Variants in FGF13 observed in about 807,000 individuals in gnomAD.
FGF13 encodes the protein fibroblast growth factor homologous factor 2.
FGF13 carries 2 observed loss-of-function variants against 19.5 expected under a neutral mutation model. The observed-to-expected ratio is 0.10, with a 90% CI of 0.04 to 0.32. The LOEUF is 0.32. Among genes scored for constraint, FGF13 ranks in the 10% least tolerant of loss-of-function variants. The pLI is 1.00. For missense variants in FGF13, 113 were observed against 192.7 expected, an observed-to-expected ratio of 0.59 and a Z score of 2.45; for synonymous variants, 72 against 76.9, an observed-to-expected ratio of 0.94 and a Z score of 0.33.
intron 1 of FGF13, among the ~76,000 whole-genome samples, chrX:139,198,150 A>G (rs912573962): frequency 4.2e-4 from 47 of 111,299 alleles, no homozygotes; most frequent in African/African-American, 1.5e-3. Context: ...TTTCTCAAAA[A>G]TCATTGAGAT....
intron 3 of FGF13, among the ~76,000 whole-genome samples, chrX:138,655,992 T>C (rs1026678431): frequency 8.9e-6 from 1 of 112,112 alleles, no homozygotes; most frequent in African/African-American, 3.2e-5. Context: ...GAACACCTAC[T>C]ACATGCATGA....
At chrX:138,715,865 C>T (rs938407422), upstream of FGF13, 2 of 112,108 alleles carry the variant, frequency 1.8e-5, no homozygotes, top group African/African-American at 3.2e-5. Flanking sequence ...GAATGCTGAT[C>T]GTTCTCTGCC....
intron 1 of FGF13, among the ~76,000 whole-genome samples, chrX:139,027,077 T>C (rs991310948): frequency 5.3e-5 from 6 of 112,242 alleles, no homozygotes; most frequent in African/African-American, 1.9e-4. Flanking sequence ...AGTGTGGCTT[T>C]AGTAGTGCCC....
chrX:139,010,326 T>C (rs956056134), intron 1 of FGF13, among the ~76,000 whole-genome samples: 1 of 111,438 alleles, frequency 9.0e-6, no homozygotes, highest in Non-Finnish European at 1.9e-5. Context: ...TGCAGGACAT[T>C]CTACCCAACA....
chrX:138,654,744 AATACATACATAC>A (rs61363120), intron 3 of FGF13, among the ~76,000 whole-genome samples: 3 of 105,060 alleles, frequency 2.9e-5, no homozygotes, highest in South Asian at 4.3e-4. Flanking sequence ...CCGGCTCAAA[AATACATACATAC>A]ATACATACAT....
intron 1 of FGF13, among the ~76,000 whole-genome samples, chrX:138,961,047 C>G (rs1242531677): frequency 9.0e-6 from 1 of 111,220 alleles, no homozygotes; most frequent in Admixed American, 9.5e-5. Flanking sequence ...CAGCTCTGTT[C>G]CATTGCTGGT....
At chrX:138,714,514 G>A (rs2090082988), upstream of FGF13, among the ~76,000 whole-genome samples, 1 of 111,067 alleles carries the variant, frequency 9.0e-6, no homozygotes, top group South Asian at 3.8e-4. Flanking sequence ...GCATGGTGGC[G>A]CCTGCCTGTA....
intron 1 of FGF13, among the ~76,000 whole-genome samples, chrX:138,988,379 G>A (rs2092001854): frequency 8.9e-6 from 1 of 112,269 alleles, no homozygotes; most frequent in Admixed American, 9.5e-5. Context: ...TTTGTTGAAT[G>A]AACAAATGAA....
At chrX:138,823,050 C>T (rs895885975) in intron 3 of FGF13, among the ~76,000 whole-genome samples, 5 of 111,280 alleles carry the variant, frequency 4.5e-5, no homozygotes, top group Non-Finnish European at 7.5e-5. Context: ...GGGGGAAAGG[C>T]GGGGAAGACT....
intron 1 of FGF13, among the ~76,000 whole-genome samples, chrX:138,727,681 A>G (rs925262321): frequency 1.8e-5 from 2 of 111,573 alleles, no homozygotes; most frequent in Non-Finnish European, 3.8e-5. Flanking sequence ...CTAAGAAAAT[A>G]TACCTAGGAA....
At chrX:138,958,630 A>G (rs1470179178) in intron 1 of FGF13, among the ~76,000 whole-genome samples, 1 of 111,864 alleles carries the variant, frequency 8.9e-6, no homozygotes, top group Non-Finnish European at 1.9e-5. Context: ...GGTAGAATTC[A>G]GCTGTGAATC....
intron 1 of FGF13, among the ~76,000 whole-genome samples, chrX:138,725,460 G>C (rs1195048333): frequency 9.0e-6 from 1 of 111,286 alleles, no homozygotes; most frequent in Non-Finnish European, 1.9e-5. Flanking sequence ...AAACTCCCTG[G>C]ATCTAAGAGC....
intron 1 of FGF13, among the ~76,000 whole-genome samples, chrX:139,031,377 A>G (rs1369409996): frequency 9.0e-6 from 1 of 111,092 alleles, no homozygotes; most frequent in Non-Finnish European, 1.9e-5. Flanking sequence ...ATCTAATTCA[A>G]TTTTCCACAC....
At chrX:139,152,927 C>T (rs1354380563) in intron 1 of FGF13, among the ~76,000 whole-genome samples, 3 of 110,678 alleles carry the variant, frequency 2.7e-5, no homozygotes, top group African/African-American at 9.9e-5. Context: ...ACTCCTACCT[C>T]CCTTCCCCCA....
At position 138,828,502 on chromosome X, in the gene FGF13, G is replaced by A. The variant is rs868802566; in HGVS notation, c.217+29010C>T. On this transcript the variant is annotated intron_variant, in intron 3 of 6. Coordinates refer to the FGF13 transcript ENST00000436198. Reference sequence around the variant, plus strand: ...GGAGAATGGCGTGAACCCGGGAGGCGGAGCTTGCAGTGAGCCGAGATCGCG... The same window carrying A: ...GGAGAATGGCGTGAACCCGGGAGGCAGAGCTTGCAGTGAGCCGAGATCGCG... 2.0e-3 allele frequency among the ~76,000 whole-genome samples: 214 copies of A among 106,988 alleles called. 1 individual carries two copies. The highest frequency in any genetic ancestry group is 6.7e-3 in the African/African-American group (192 of 28,852). The allele number at this position is 106,988 out of a possible 115,157, so 92.9% of individuals were successfully genotyped here.
At chrX:139,012,275 C>A (rs1385210919) in intron 1 of FGF13, among the ~76,000 whole-genome samples, 2 of 111,291 alleles carry the variant, frequency 1.8e-5, no homozygotes, top group African/African-American at 6.5e-5. Flanking sequence ...CCACCAAAAG[C>A]AATCTACAAA....
In FGF13 at chrX:138,870,009, G is replaced by A. The variant is rs185238488; in HGVS notation, c.-112-5359C>T. ...TGGCAGCATTACTATTTAAGAAAAA[G>A]GCATTACGACTTCTTTGAAAGCCTC... On this transcript the variant is annotated intron_variant, in intron 1 of 2. Transcript: ENST00000421460. 8.1e-3 allele frequency among the ~76,000 whole-genome samples: 910 copies of A among 112,073 alleles called. 2 individuals carry two copies. The highest frequency in any genetic ancestry group is 0.012 in the Non-Finnish European group (663 of 53,194).
intron 1 of FGF13, among the ~76,000 whole-genome samples, chrX:138,951,366 T>G (rs919785250): frequency 1.3e-4 from 14 of 111,886 alleles, no homozygotes; most frequent in African/African-American, 4.2e-4. Context: ...TGGCAAATAT[T>G]TCTTAGACAG....
chrX:139,044,714 A>C (rs1340308158), intron 1 of FGF13, among the ~76,000 whole-genome samples: 1 of 111,577 alleles, frequency 9.0e-6, no homozygotes, highest in African/African-American at 3.3e-5. Context: ...GAAGTCATTA[A>C]GTCTTAAAGC....
Sources: gnomAD v4.1 joint callset for allele counts (sites outside exome capture counted in the v4.1 genomes callset) on GRCh38, gnomAD v4.1.1 for gene constraint, MANE v1.5 for transcripts, NCBI Gene and HGNC (gene_info 2026-07-23, HGNC 2026-07-21) for gene names.